Variants in GPC5 observed in about 807,000 individuals in gnomAD.
GPC5 encodes the protein glypican-5.
GPC5 carries 47 observed loss-of-function variants against 53.9 expected under a neutral mutation model. The observed-to-expected ratio is 0.87, with a 90% CI of 0.69 to 1.11. The LOEUF is 1.11. Among genes scored for constraint, GPC5 ranks in the 50% most tolerant of loss-of-function variants. The pLI, the probability that GPC5 is intolerant of heterozygous loss-of-function variation, is 0.00. For missense variants in GPC5, 748 were observed against 713.1 expected (o/e 1.05, Z -0.56); for synonymous variants, 286 against 263.3 (o/e 1.09, Z -0.84).
chr13:91,561,993 A>G (rs1451764829), intron 2 of GPC5, among the ~76,000 whole-genome samples: 2 of 152,070 alleles, frequency 1.3e-5, no homozygotes, highest in Non-Finnish European at 2.9e-5. Flanking sequence ...CTTGCACATA[A>G]TAATTCAATA....
intron 7 of GPC5, chr13:92,490,162 CA>C (rs759709440): frequency 6.5e-5 from 10 of 154,400 alleles, no homozygotes; most frequent in African/African-American, 2.4e-4. Context: ...TAGGTCAGTG[CA>C]AAAGTAATTG....
intron 6 of GPC5, among the ~76,000 whole-genome samples, chr13:92,127,642 G>C (rs1332187689): frequency 6.6e-6 from 1 of 152,140 alleles, no homozygotes; most frequent in Non-Finnish European, 1.5e-5. Flanking sequence ...CATCTAAGTA[G>C]GTTTCAGCTG....
At chr13:91,546,840 C>T (rs1175637504) in intron 2 of GPC5, among the ~76,000 whole-genome samples, 2 of 151,956 alleles carry the variant, frequency 1.3e-5, no homozygotes, top group African/African-American at 4.8e-5. Context: ...GATCACCTTG[C>T]TTAGAATTAA....
rs182139645 is a variant in GPC5 at position 92,238,115 on chromosome 13, G to A, written c.1561+93126G>A. Among the ~76,000 whole-genome samples, 9 of 151,854 alleles carry A rather than the reference G, an allele frequency of 5.9e-5. No homozygotes were observed. The East Asian group carries it at 1.2e-3, about 20-fold the overall frequency. On this transcript the variant is annotated intron_variant, in intron 7 of 7. Coordinates refer to ENST00000377067, the MANE Select transcript of GPC5 (RefSeq NM_004466.6). ...CTCTGTTTTTGTTTGTTATAAAAAC[G>A]CTCCTATGAATATTTATGTACATAT...
At chr13:91,445,885 T>C (rs1479898902) in intron 1 of GPC5, among the ~76,000 whole-genome samples, 2 of 152,198 alleles carry the variant, frequency 1.3e-5, no homozygotes, top group East Asian at 3.8e-4. Flanking sequence ...GGGGAGCTAC[T>C]GTATTCTCAA....
At chr13:91,634,950 C>A (rs2139444292) in intron 2 of GPC5, among the ~76,000 whole-genome samples, 1 of 152,176 alleles carries the variant, frequency 6.6e-6, no homozygotes. Flanking sequence ...ACTACTTGTT[C>A]TCCCTCATTT....
chr13:92,227,472 G>A (rs2042496277), intron 7 of GPC5, among the ~76,000 whole-genome samples: 1 of 152,148 alleles, frequency 6.6e-6, no homozygotes, highest in Non-Finnish European at 1.5e-5. Context: ...ACAAGTTCCT[G>A]TCTCGTCAAG....
intron 7 of GPC5, among the ~76,000 whole-genome samples, chr13:92,260,876 CATTT>C (rs1358559824): frequency 2.6e-5 from 4 of 152,144 alleles, no homozygotes; most frequent in Admixed American, 2.6e-4. Flanking sequence ...TGCTTAAAGA[CATTT>C]ATATTTAGTT....
intron 2 of GPC5, among the ~76,000 whole-genome samples, chr13:91,469,501 C>T (rs1882473284): frequency 6.6e-6 from 1 of 151,150 alleles, no homozygotes; most frequent in Admixed American, 6.6e-5. Flanking sequence ...TCTTGAGCAC[C>T]AGGGATTCTC....
intron 7 of GPC5, among the ~76,000 whole-genome samples, chr13:92,795,525 T>TTG (rs1876641218): frequency 6.6e-6 from 1 of 152,102 alleles, no homozygotes; most frequent in Non-Finnish European, 1.5e-5. Flanking sequence ...AAAGCCAAAA[T>TTG]AGACTAATGG....
At chr13:91,529,392 C>T (rs1886234176) in intron 2 of GPC5, among the ~76,000 whole-genome samples, 1 of 152,148 alleles carries the variant, frequency 6.6e-6, no homozygotes, top group Admixed American at 6.5e-5. Context: ...AAAGTAAAAT[C>T]ATTAAAGATA....
At chr13:91,917,008 A>G (rs574380646) in intron 6 of GPC5, among the ~76,000 whole-genome samples, 1 of 152,256 alleles carries the variant, frequency 6.6e-6, no homozygotes, top group East Asian at 1.9e-4. Context: ...TCAAAACACA[A>G]TCATGCCTTT....
chr13:92,182,109 C>T (rs372794532), intron 7 of GPC5, among the ~76,000 whole-genome samples: 5 of 151,758 alleles, frequency 3.3e-5, no homozygotes, highest in African/African-American at 1.2e-4. Flanking sequence ...TTTTTTTTGC[C>T]AGGGAATTAA....
chr13:91,991,294 G>A (rs752376122), intron 6 of GPC5, among the ~76,000 whole-genome samples: 1 of 152,194 alleles, frequency 6.6e-6, no homozygotes, highest in Non-Finnish European at 1.5e-5. Flanking sequence ...TCTACAGTTC[G>A]ATGACTCTGT....
chr13:91,870,650 A>G (rs922331234), intron 5 of GPC5, among the ~76,000 whole-genome samples: 6 of 150,148 alleles, frequency 4.0e-5, no homozygotes, highest in African/African-American at 1.5e-4. Flanking sequence ...ATAGACGCAT[A>G]TTCTGGAGAA....
At chr13:91,716,269 G>T (rs1481454854) in intron 3 of GPC5, among the ~76,000 whole-genome samples, 2 of 151,972 alleles carry the variant, frequency 1.3e-5, no homozygotes, top group African/African-American at 4.8e-5. Context: ...GTGAGATATG[G>T]TTAATGAGAA....
intron 4 of GPC5, among the ~76,000 whole-genome samples, chr13:91,744,261 A>G (rs1375738649): frequency 6.6e-6 from 1 of 152,168 alleles, no homozygotes; most frequent in Non-Finnish European, 1.5e-5. Flanking sequence ...ATTCCTGGTC[A>G]GTAATATTCT....
rs541436696 is a variant in GPC5, at chr13:92,460,556, G to T, written c.1561+315567G>T. Among the ~76,000 whole-genome samples, 10 of 152,212 alleles carry T rather than the reference G, an allele frequency of 6.6e-5. No individual in the cohort carries two copies. In the South Asian group the frequency reaches 2.1e-3, roughly 32 times the overall value. Reference sequence around the variant, plus strand: ...GTCCTAGTGGATATTGAAGAAATTTGAGTCCTTATATCACATTCAAGGGGC... The same window carrying T: ...GTCCTAGTGGATATTGAAGAAATTTTAGTCCTTATATCACATTCAAGGGGC... On this transcript the variant is annotated intron_variant, in intron 7 of 7. Coordinates refer to ENST00000377067, the MANE Select transcript of GPC5 (RefSeq NM_004466.6).
intron 5 of GPC5, among the ~76,000 whole-genome samples, chr13:91,851,499 C>CTT (rs147724402): frequency 1.6e-4 from 24 of 148,246 alleles, no homozygotes; most frequent in African/African-American, 5.0e-4. Flanking sequence ...AATACGTTTT[C>CTT]TTTTTTTTTT....
Sources: allele counts gnomAD v4.1 joint callset (sites outside exome capture counted in the v4.1 genomes callset), GRCh38; gene constraint gnomAD v4.1.1; transcripts MANE v1.5; gene names NCBI Gene and HGNC (gene_info 2026-07-23, HGNC 2026-07-21).